LRCH2: variants seen among roughly 807,000 people sequenced by gnomAD.
The protein encoded by LRCH2 is leucine-rich repeat and calponin homology domain-containing protein 2.
In LRCH2, 38 loss-of-function variants were observed where a neutral mutation model predicts 68.9. The observed-to-expected ratio is 0.55, with a 90% CI of 0.43 to 0.72. LRCH2 has a LOEUF of 0.72. LRCH2 is among the 30% of genes least tolerant of loss of function. The pLI is 0.00. For synonymous variants in LRCH2, 191 were observed against 208.1 expected (o/e 0.92, Z 0.71); for missense variants, 528 against 572.9 (o/e 0.92, Z 0.80).
Position 115,113,330 on chromosome X carries a change from T to G in LRCH2, c.2184A>C (p.Arg728Ser). The change falls in exon 21 of 21, where the codon AGA becomes AGC. Residue 728 changes from arginine to serine, a missense_variant. Transcript: ENST00000317135. ...CCAAAATATGATGAGGCAAACAAAG[T>G]CTTTCCTGGAGAAAAAAAAGAGATA... ...ACKKLGVSQE[R>S]LCLPHHILEE... The G allele has an allele frequency of 8.5e-7, 1 of 1,178,023 alleles. No homozygotes were observed. Among genetic ancestry groups the G allele is most frequent in the East Asian group, 3.0e-5 (1 of 33,308 alleles).
At chrX:115,143,469 T>C (rs1402670273) in intron 14 of LRCH2, among the ~76,000 whole-genome samples, 1 of 111,289 alleles carries the variant, frequency 9.0e-6, no homozygotes, top group African/African-American at 3.3e-5. Flanking sequence ...TAACAAGTAA[T>C]GAGATCAAAT....
intron 11 of LRCH2, among the ~76,000 whole-genome samples, chrX:115,158,682 CAAATAAAATAATTACT>C (rs1314746056): frequency 4.5e-5 from 5 of 111,620 alleles, no homozygotes; most frequent in Admixed American, 3.8e-4. Context: ...CACCTAAAAG[CAAATAAAATAATTACT>C]AAAAGGAAAG....
chrX:115,138,258 G>A (rs782494552), intron 14 of LRCH2, among the ~76,000 whole-genome samples: 3 of 111,322 alleles, frequency 2.7e-5, no homozygotes, highest in East Asian at 2.9e-4. Flanking sequence ...GCAGCATACC[G>A]AAGGAGAAGG....
At chrX:115,132,083 T>G (rs782462750) in intron 14 of LRCH2, among the ~76,000 whole-genome samples, 1 of 111,716 alleles carries the variant, frequency 9.0e-6, no homozygotes, top group East Asian at 2.8e-4. Context: ...AGAAGCTCTT[T>G]AATTAGATCC....
In LRCH2 at chrX:115,130,171, C is replaced by A. The variant is rs1556529479; in HGVS notation, c.1724G>T (p.Gly575Val). 1 of 1,031,050 alleles carries A rather than the reference C, an allele frequency of 9.7e-7. No individual in the cohort carries two copies. 85.0% of individuals were successfully genotyped at this position (1,031,050 alleles called of 1,213,427 possible). A position where few individuals can be genotyped will look rare whatever the true frequency, so the allele number is the denominator to read the frequency against. ...TTTTCTCACCTCATCATTTTCATTG[C>A]CACTTGAACTCTTCCTCATTGATTT... is the stretch of plus-strand genomic sequence containing the variant. ...KYKSMRKSSS[G>V]NENDEQDSDN... Residue 575 changes from glycine to valine, a missense_variant, in exon 15 of 21, where the codon GGC (glycine) becomes GTC (valine). By Grantham distance (109) the Gly-to-Val change is moderately radical. Coordinates refer to ENST00000317135, the MANE Select transcript of LRCH2 (RefSeq NM_020871.4).
intron 1 of LRCH2, among the ~76,000 whole-genome samples, chrX:115,206,998 G>A (rs944356897): frequency 2.7e-5 from 3 of 110,885 alleles, no homozygotes; most frequent in African/African-American, 9.8e-5. Context: ...TCAAAAAAGT[G>A]AAGATTAACT....
intron 20 of LRCH2, among the ~76,000 whole-genome samples, chrX:115,119,867 A>T (rs1177995448): frequency 9.1e-6 from 1 of 109,757 alleles, no homozygotes; most frequent in African/African-American, 3.3e-5. Context: ...ATAACACCGC[A>T]TACCTACAAC....
chrX:115,194,227 A>G (rs1364884144), intron 1 of LRCH2, among the ~76,000 whole-genome samples: 1 of 111,757 alleles, frequency 8.9e-6, no homozygotes, highest in Non-Finnish European at 1.9e-5. Flanking sequence ...CTATGTTTAT[A>G]TAATATGAAA....
chrX:115,190,041 C>A (rs782595683), intron 1 of LRCH2: 1 of 1,154,557 alleles, frequency 8.7e-7, no homozygotes, highest in African/African-American at 1.8e-5. Context: ...GGCGCTGGGC[C>A]GGCCCACCCC....
chrX:115,202,592 T>A (rs781917534), intron 1 of LRCH2, among the ~76,000 whole-genome samples: 2 of 112,266 alleles, frequency 1.8e-5, no homozygotes, highest in East Asian at 5.6e-4. Context: ...ATAAATATGG[T>A]CTTAATTCAG....
At chrX:115,148,444 C>T (rs978318272) in intron 14 of LRCH2, among the ~76,000 whole-genome samples, 7 of 111,173 alleles carry the variant, frequency 6.3e-5, no homozygotes, top group South Asian at 3.8e-4. Context: ...TGTTATACTA[C>T]GATATTGGTA....
At chrX:115,223,513 G>T (rs995562353) in intron 1 of LRCH2, among the ~76,000 whole-genome samples, 32 of 109,873 alleles carry the variant, frequency 2.9e-4, no homozygotes, top group African/African-American at 1.0e-3. Flanking sequence ...ATGGACAAAG[G>T]GTCCTAATAG....
At chrX:115,120,460 A>C (rs1450077396) in intron 20 of LRCH2, among the ~76,000 whole-genome samples, 1 of 83,804 alleles carries the variant, frequency 1.2e-5, no homozygotes, top group African/African-American at 4.6e-5. Flanking sequence ...GCAAATCAAA[A>C]CCACTATGAG....
chrX:115,130,019 T>G, intron 15 of LRCH2, 136 bp downstream of exon 15: 1 of 377,554 alleles, frequency 2.6e-6, no homozygotes, highest in Non-Finnish European at 4.7e-6. Flanking sequence ...GCTCATATGT[T>G]TTTATTGTTG....
At chrX:115,126,680 G>C (rs781934100) in intron 16 of LRCH2, among the ~76,000 whole-genome samples, 163 bp downstream of exon 16, 1 of 111,218 alleles carries the variant, frequency 9.0e-6, no homozygotes, top group East Asian at 2.8e-4. Flanking sequence ...TTATAGGCTA[G>C]AAGGTTTGTA....
At chrX:115,178,811 C>T (rs1556551626) in intron 5 of LRCH2, among the ~76,000 whole-genome samples, 1 of 112,502 alleles carries the variant, frequency 8.9e-6, no homozygotes. Context: ...TTCACTGCTA[C>T]TTGCTCCTCA....
intron 1 of LRCH2, chrX:115,191,872 C>T (rs1556560343): frequency 8.6e-7 from 1 of 1,159,383 alleles, no homozygotes; most frequent in Admixed American, 2.6e-5. Flanking sequence ...CCGGAACGAC[C>T]CCTGCAGAGG....
intron 1 of LRCH2, among the ~76,000 whole-genome samples, chrX:115,215,464 T>C (rs184358705): frequency 2.1e-3 from 234 of 111,066 alleles, no homozygotes; most frequent in African/African-American, 7.0e-3. Context: ...TAACATAATT[T>C]GGCCAGGTGC....
chrX:115,159,544 G>A (rs1473739717), intron 11 of LRCH2, among the ~76,000 whole-genome samples: 2 of 110,227 alleles, frequency 1.8e-5, no homozygotes, highest in East Asian at 2.9e-4. Context: ...GACGTCAGGA[G>A]ATTGAGACCA....
Sources: allele counts gnomAD v4.1 joint callset (sites outside exome capture counted in the v4.1 genomes callset), GRCh38; gene constraint gnomAD v4.1.1; transcripts MANE v1.5; gene names NCBI Gene and HGNC (gene_info 2026-07-23, HGNC 2026-07-21).